The following WDR54 variants were observed in gnomAD, a reference collection of about 807,000 sequenced individuals.
WDR54 encodes the protein WD repeat-containing protein 54.
Under a neutral mutation model 44.1 loss-of-function variants are expected in WDR54, and 44 were observed. That is an observed-to-expected ratio of 1.00 (90% confidence interval 0.78 to 1.28). The LOEUF (loss-of-function observed/expected upper bound fraction) is 1.28. WDR54 is among the 50% of genes most tolerant of loss of function. The pLI is 0.00. For missense variants in WDR54, 409 were observed against 429.7 expected, an observed-to-expected ratio of 0.95 and a Z score of 0.43; for synonymous variants, 169 against 169.8, an observed-to-expected ratio of 1.00 and a Z score of 0.04.
intron 7 of WDR54, 44 bp downstream of exon 7, chr2:74,425,019 A>G: frequency 3.7e-6 from 6 of 1,614,100 alleles, no homozygotes; most frequent in Non-Finnish European, 5.1e-6. Flanking sequence ...AGATAGCTTC[A>G]GGCTGGGGAG....
At position 74,425,599 on chromosome 2, in the gene WDR54, C is replaced by T. The variant is rs201131150; in HGVS notation, c.903C>T (p.Ala301=). Residue 301 remains alanine, a synonymous_variant, in exon 10 of 10, where the codon GCC becomes GCT. Coordinates refer to ENST00000348227, the MANE Select transcript of WDR54 (RefSeq NM_032118.4). ...AACACTGTCATGGTGAGTGTGTCGC[C>T]GACACCCAGCTGTGTGGTGCTCGAT... is the stretch of plus-strand genomic sequence containing the variant. ...EVEHCHGECV[A]DTQLCGARFC... is the part of the protein sequence containing the mutation. 2.2e-4 allele frequency: 361 copies of T among 1,614,220 alleles called. 2 individuals carry two copies. In the East Asian group the frequency reaches 7.1e-3, roughly 32 times the overall value.
At chr2:74,422,673 A>T (rs1057462898) in intron 2 of WDR54, 197 bp from the exon 3 acceptor site, 4 of 622,722 alleles carry the variant, frequency 6.4e-6, no homozygotes. Context: ...TGCACCTGTA[A>T]TCCCAGCTAC....
chr2:74,422,084 G>A (rs534087858), intron 1 of WDR54, 69 bp from the exon 2 acceptor site: 20 of 1,511,604 alleles, frequency 1.3e-5, no homozygotes, highest in Non-Finnish European at 1.7e-5. Context: ...CTCGATGATA[G>A]CCGCCCTCGG....
rs1172280058 is a variant in WDR54 at position 74,422,869 on chromosome 2, G to A, written c.223-1G>A. On this transcript the variant is annotated splice_acceptor_variant, in intron 2 of 9. Coordinates refer to ENST00000348227, the MANE Select transcript of WDR54 (RefSeq NM_032118.4). LOFTEE classifies it high-confidence loss of function. ...CCCTACACTGATGCACCTCCCTCCA[G>A]GTCCACTGGTGTGTCCTCCCCTTCC... The A allele has an allele frequency of 1.9e-6, 3 of 1,613,170 alleles. No homozygotes were observed. Among genetic ancestry groups the A allele is most frequent in the Non-Finnish European group, 2.5e-6 (3 of 1,179,848 alleles).
chr2:74,425,628 G>C lies in WDR54; in HGVS notation c.932G>C (p.Cys311Ser), dbSNP rs1171161734. Residue 311 changes from cysteine to serine, a missense_variant, in exon 10 of 10, where the codon TGT becomes TCT. By Grantham distance (112) the Cys-to-Ser change is moderately radical. Coordinates refer to ENST00000348227, the MANE Select transcript of WDR54 (RefSeq NM_032118.4). ...ACCCAGCTGTGTGGTGCTCGATTTT[G>C]TGATTCCTCAGGCAACTCCTTTGCT... ...ADTQLCGARFCDSSGNSFAVT... is the reference protein window; with the variant it reads ...ADTQLCGARFSDSSGNSFAVT... The C allele has an allele frequency of 3.7e-6, 6 of 1,614,248 alleles. No individual in the cohort carries two copies. Among genetic ancestry groups the C allele is most frequent in the Non-Finnish European group, 5.1e-6 (6 of 1,180,042 alleles).
In WDR54 at chr2:74,423,374, A is replaced by C. The variant is rs768320966; in HGVS notation, c.341A>C (p.Asp114Ala). 1.9e-6 allele frequency: 3 copies of C among 1,614,108 alleles called. No individual in the cohort carries two copies. In the South Asian group the frequency reaches 3.3e-5, roughly 18 times the overall value. Residue 114 changes from aspartate to alanine, a missense_variant, in exon 4 of 10, where the codon GAT becomes GCT. Transcript: ENST00000348227. ...MVYWHALDSG[D>A]ASPVQAVFAR... is the part of the protein sequence containing the mutation. The stretch of plus-strand genomic sequence containing the variant: ...TACTGGCATGCACTGGACTCTGGAG[A>C]TGCCTCCCCAGGTACCTGCAGGACC...
At position 74,422,278 on chromosome 2, in the gene WDR54, C is replaced by A. The variant is rs1670138729; in HGVS notation, c.125C>A (p.Ala42Asp). ...TTTGGCGTGGTTCATGGACCAAGCG[C>A]CCAGCTTCTCAGCGCTGCTCCTGAG... The part of the protein sequence containing the change: ...TYFGVVHGPS[A>D]QLLSAAPEGV... The change falls in exon 2 of 10, where the codon GCC (alanine) becomes GAC (aspartate). Residue 42 changes from alanine to aspartate, a missense_variant. Coordinates refer to ENST00000348227, the MANE Select transcript of WDR54 (RefSeq NM_032118.4). 1.2e-6 allele frequency: 2 copies of A among 1,614,120 alleles called. No homozygotes were observed. The highest frequency in any genetic ancestry group is 1.7e-6 in the Non-Finnish European group (2 of 1,180,046).
At chr2:74,425,007 TGA>T (rs1206539626) in intron 7 of WDR54, 32 bp downstream of exon 7, 4 of 1,612,860 alleles carry the variant, frequency 2.5e-6, no homozygotes, top group Non-Finnish European at 3.4e-6. Flanking sequence ...GAGGGCTTCC[TGA>T]GATAGCTTCA....
At chr2:74,424,079 G>A in intron 6 of WDR54, 97 bp downstream of exon 6, 1 of 1,484,310 alleles carries the variant, frequency 6.7e-7, no homozygotes, top group Non-Finnish European at 9.2e-7. Context: ...ACAGGTGGAT[G>A]GCTTTGGGCA....
intron 2 of WDR54, 114 bp downstream of exon 2, chr2:74,422,489 C>A: frequency 8.0e-7 from 1 of 1,257,480 alleles, no homozygotes; most frequent in Non-Finnish European, 1.1e-6. Flanking sequence ...CAGGCATGTC[C>A]TAACCTCAGA....
At chr2:74,425,025 G>A (rs1308166810) in intron 7 of WDR54, 50 bp downstream of exon 7, 1 of 1,613,938 alleles carries the variant, frequency 6.2e-7, no homozygotes, top group African/African-American at 1.3e-5. Flanking sequence ...CTTCAGGCTG[G>A]GGAGTAGGAT....
At chr2:74,424,522 G>A (rs1283265396) in intron 6 of WDR54, among the ~76,000 whole-genome samples, 3 of 152,248 alleles carry the variant, frequency 2.0e-5, no homozygotes, top group Non-Finnish European at 4.4e-5. Flanking sequence ...TGTTGGGGGT[G>A]CAGGGGCCCA....
rs1273986967 is a variant in WDR54 at position 74,425,161 on chromosome 2, C to A, written c.722C>A (p.Thr241Lys). The A allele has an allele frequency of 6.4e-7, 1 of 1,552,180 alleles. No homozygotes were observed. The highest frequency in any genetic ancestry group is 1.4e-5 in the African/African-American group (1 of 73,548). Residue 241 changes from threonine (T) to lysine (K), a missense_variant, in exon 8 of 10, where the codon ACA becomes AAA. Transcript: ENST00000348227. Reference sequence around the variant, plus strand: ...CAAGTGCATCTATATGAGGCCACTACAGGAAATCTACATGTCCAGATCAAT... The same window carrying A: ...CAAGTGCATCTATATGAGGCCACTAAAGGAAATCTACATGTCCAGATCAAT... ...NGQVHLYEATTGNLHVQINAH... is the reference protein window; with the variant it reads ...NGQVHLYEATKGNLHVQINAH...
chr2:74,424,041 T>C, intron 6 of WDR54, 59 bp downstream of exon 6: 1 of 1,605,080 alleles, frequency 6.2e-7, no homozygotes, highest in Non-Finnish European at 8.5e-7. Context: ...GCAGGGGACC[T>C]GGCTTTGAGT....
In WDR54 at chr2:74,425,601, A is replaced by T; in HGVS notation, c.905A>T (p.Asp302Val). 6.2e-7 allele frequency: 1 copy of T among 1,614,162 alleles called. No homozygotes were observed. The change falls in exon 10 of 10, where the codon GAC becomes GTC. Residue 302 changes from aspartate to valine, a missense_variant. By Grantham distance (152) the Asp-to-Val change is radical. Coordinates refer to ENST00000348227, the MANE Select transcript of WDR54 (RefSeq NM_032118.4). ...VEHCHGECVA[D>V]TQLCGARFCD... ...CACTGTCATGGTGAGTGTGTCGCCG[A>T]CACCCAGCTGTGTGGTGCTCGATTT...
rs72818081 is a variant in WDR54, at chr2:74,424,690, C to T, written c.535-185C>T. ...ATGAAGAAATTCAAGGAAAGCAGTT[C>T]ATGCTTCCCAAGGGAACCCTGGTGG... is the stretch of plus-strand genomic sequence containing the variant. On this transcript the variant is annotated intron_variant, in intron 6 of 9. Coordinates refer to ENST00000348227, the MANE Select transcript of WDR54 (RefSeq NM_032118.4). 4.5e-3 allele frequency among the ~76,000 whole-genome samples: 683 copies of T among 152,312 alleles called. 3 individuals carry two copies. Among genetic ancestry groups the T allele is most frequent in the Admixed American group, 7.8e-3 (119 of 15,300 alleles).
chr2:74,425,352 C>A, intron 8 of WDR54, 65 bp from the exon 9 acceptor site: 1 of 1,601,070 alleles, frequency 6.2e-7, no homozygotes, highest in Non-Finnish European at 8.5e-7. Flanking sequence ...GGCACCTGGA[C>A]TGGGGATTCC....
At chr2:74,423,069 A>G in intron 3 of WDR54, 137 bp downstream of exon 3, 1 of 968,306 alleles carries the variant, frequency 1.0e-6, no homozygotes, top group Non-Finnish European at 1.6e-6. Context: ...TCTATTTCTT[A>G]TCTTCAATCT....
chr2:74,421,825 T>G lies in WDR54; in HGVS notation c.-2+9T>G. On this transcript the variant is annotated intron_variant, in intron 1 of 9. Transcript: ENST00000348227. ...CCGATCTGGGGCTGCAGGTGTTACC[T>G]CTGATCTAGGCCGGGGGCTTCAGGG... The G allele has an allele frequency of 4.5e-6, 3 of 668,348 alleles. No individual in the cohort carries two copies. In the East Asian group the frequency reaches 8.3e-5, roughly 19 times the overall value. The allele number at this position is 668,348 out of a possible 1,614,324, so 41.4% of individuals were successfully genotyped here. A position where few individuals can be genotyped will look rare whatever the true frequency, so the allele number is the denominator to read the frequency against.
Sources: gnomAD v4.1 joint callset for allele counts (sites outside exome capture counted in the v4.1 genomes callset) on GRCh38, gnomAD v4.1.1 for gene constraint, MANE v1.5 for transcripts, NCBI Gene and HGNC (gene_info 2026-07-23, HGNC 2026-07-21) for gene names.